Variants in ALDH1A2 observed in about 807,000 individuals in gnomAD.
ALDH1A2 encodes retinal dehydrogenase 2.
ALDH1A2 carries 27 observed loss-of-function variants against 60.3 expected under a neutral mutation model. That is an observed-to-expected ratio of 0.45 (90% CI 0.33 to 0.62). ALDH1A2 has a LOEUF of 0.62. Among genes scored for constraint, ALDH1A2 ranks in the 20% least tolerant of loss-of-function variants. The probability of loss-of-function intolerance (pLI) is 0.02; values close to 1 mark genes in which losing one functional copy is unlikely to be tolerated. For synonymous variants in ALDH1A2, 289 were observed against 232.4 expected (o/e 1.24, Z -2.21); for missense variants, 581 against 643.8 (o/e 0.90, Z 1.06).
chr15:58,059,611 C>G (rs1216714530), intron 1 of ALDH1A2, among the ~76,000 whole-genome samples: 1 of 152,110 alleles, frequency 6.6e-6, no homozygotes, highest in East Asian at 1.9e-4. Flanking sequence ...CTATTTGCAA[C>G]CTGGAGTTTA....
chr15:57,959,295 C>T (rs368665337), intron 12 of ALDH1A2, among the ~76,000 whole-genome samples: 2 of 152,038 alleles, frequency 1.3e-5, no homozygotes, highest in South Asian at 2.1e-4. Flanking sequence ...AAATAAGAAG[C>T]GGAATGCATC....
In ALDH1A2 at chr15:58,044,106, C is replaced by CTGACCAGAT. The variant is rs1186522482; in HGVS notation, c.117+21419_117+21427dup. 4.6e-5 allele frequency among the ~76,000 whole-genome samples: 7 copies of CTGACCAGAT among 152,004 alleles called. No individual in the cohort carries two copies. The East Asian group carries it at 7.8e-4, about 17-fold the overall frequency. ...TCTATTTGAAAAGAGGACTTGATGG[C>CTGACCAGAT]TGACCAGATCCGAGTGATCTTTGCT... On this transcript the variant is annotated intron_variant, in intron 1 of 12. Transcript: ENST00000249750.
At chr15:58,027,451 C>A (rs1305854789) in intron 1 of ALDH1A2, among the ~76,000 whole-genome samples, 2 of 152,086 alleles carry the variant, frequency 1.3e-5, no homozygotes, top group African/African-American at 4.8e-5. Context: ...GAAACCTGAG[C>A]AGAAAAGGTG....
intron 7 of ALDH1A2, chr15:57,980,142 G>T: frequency 7.0e-6 from 2 of 285,730 alleles, no homozygotes; most frequent in Admixed American, 4.2e-5. Context: ...GTGCCCATTT[G>T]CAGCCCGATG....
At position 57,955,481 on chromosome 15, in the gene ALDH1A2, A is replaced by T. The variant is rs560904117; in HGVS notation, c.1485-212T>A. ...GAGTAGTTTTTAAAGAAGTTTTTTT[A>T]AAACTTTAAAGTTTTTTAAAGTAGT... On this transcript the variant is annotated intron_variant, in intron 12 of 12. Transcript: ENST00000249750. Among the ~76,000 whole-genome samples the T allele has an allele frequency of 2.0e-5, 3 of 152,192 alleles. No individual in the cohort carries two copies. The East Asian group carries it at 5.8e-4, about 29-fold the overall frequency.
chr15:57,955,898 A>T (rs971551732), intron 12 of ALDH1A2, among the ~76,000 whole-genome samples: 5 of 151,960 alleles, frequency 3.3e-5, no homozygotes, highest in South Asian at 2.1e-4. Flanking sequence ...CCCCTTATCT[A>T]ATCTATTTCA....
chr15:57,956,815 G>A (rs1815217122), intron 12 of ALDH1A2, among the ~76,000 whole-genome samples: 2 of 152,094 alleles, frequency 1.3e-5, no homozygotes, highest in South Asian at 4.1e-4. Flanking sequence ...GCTTCTGCAC[G>A]CACTTGTTGG....
Position 58,065,684 on chromosome 15 carries a change from G to T in ALDH1A2, c.-34C>A. Reference sequence around the variant, plus strand: ...GCCGGGTGTCCCTAGCCCGCGGCGTGGGGCAGTGCGGGCTGTGCGCGCGGT... The same window carrying T: ...GCCGGGTGTCCCTAGCCCGCGGCGTTGGGCAGTGCGGGCTGTGCGCGCGGT... On this transcript the variant is annotated 5_prime_UTR_variant, in exon 1 of 13. Transcript: ENST00000249750. The T allele has an allele frequency of 6.9e-7, 1 of 1,452,190 alleles. No individual in the cohort carries two copies. Among genetic ancestry groups the T allele is most frequent in the Non-Finnish European group, 9.3e-7 (1 of 1,075,650 alleles). 90.0% of individuals were successfully genotyped at this position (1,452,190 alleles called of 1,614,324 possible).
intron 7 of ALDH1A2, among the ~76,000 whole-genome samples, chr15:57,985,164 A>G (rs1011369793): frequency 6.6e-6 from 1 of 152,114 alleles, no homozygotes; most frequent in Non-Finnish European, 1.5e-5. Context: ...TGATGTGCAT[A>G]TTATTTCCCA....
chr15:58,057,907 T>A (rs1221945754), intron 1 of ALDH1A2: 3 of 535,452 alleles, frequency 5.6e-6, no homozygotes, highest in Non-Finnish European at 5.4e-6. Context: ...CAGCCAAAAA[T>A]AAAAATGACC....
chr15:57,992,683 C>T (rs748586659), intron 7 of ALDH1A2, 22 bp downstream of exon 7: 3 of 1,605,702 alleles, frequency 1.9e-6, no homozygotes, highest in East Asian at 4.5e-5. Context: ...GTTCCTCAAG[C>T]CCTGGTTTTT....
chr15:58,062,442 G>T (rs1321868642), intron 1 of ALDH1A2, among the ~76,000 whole-genome samples: 1 of 152,194 alleles, frequency 6.6e-6, no homozygotes. Context: ...GCAGTCAGGG[G>T]CGGTCAGTAA....
intron 5 of ALDH1A2, among the ~76,000 whole-genome samples, chr15:57,993,531 C>T (rs1350676188): frequency 6.6e-6 from 1 of 152,140 alleles, no homozygotes; most frequent in African/African-American, 2.4e-5. Context: ...ATGTGTATTT[C>T]AAGGTAGTAC....
intron 1 of ALDH1A2, among the ~76,000 whole-genome samples, chr15:58,064,957 T>A (rs1284696348): frequency 1.3e-5 from 2 of 152,230 alleles, no homozygotes; most frequent in Non-Finnish European, 2.9e-5. Flanking sequence ...CCTACAAAAT[T>A]CACATGAAAC....
Position 58,065,690 on chromosome 15 carries a change from G to C in ALDH1A2, c.-40C>G, listed in dbSNP as rs1240620802. 2.9e-6 allele frequency: 4 copies of C among 1,384,378 alleles called. No homozygotes were observed. Among genetic ancestry groups the C allele is most frequent in the African/African-American group, 1.5e-5 (1 of 68,220 alleles). The allele number at this position is 1,384,378 out of a possible 1,614,324, so 85.8% of individuals were successfully genotyped here. A position where few individuals can be genotyped will look rare whatever the true frequency, so the allele number is the denominator to read the frequency against. On this transcript the variant is annotated 5_prime_UTR_variant, in exon 1 of 13. Transcript: ENST00000249750. Reference sequence around the variant, plus strand: ...TGTCCCTAGCCCGCGGCGTGGGGCAGTGCGGGCTGTGCGCGCGGTCCGCGG... The same window carrying C: ...TGTCCCTAGCCCGCGGCGTGGGGCACTGCGGGCTGTGCGCGCGGTCCGCGG...
At chr15:58,034,192 T>C (rs1263020147) in intron 1 of ALDH1A2, among the ~76,000 whole-genome samples, 1 of 151,658 alleles carries the variant, frequency 6.6e-6, no homozygotes, top group Non-Finnish European at 1.5e-5. Context: ...TAAATGTACA[T>C]ATTTTATTAT....
intron 1 of ALDH1A2, among the ~76,000 whole-genome samples, chr15:58,060,110 G>A (rs1324311359): frequency 6.6e-6 from 1 of 152,028 alleles, no homozygotes; most frequent in African/African-American, 2.4e-5. Flanking sequence ...AGTAGAGATG[G>A]GGTTTCACCA....
intron 1 of ALDH1A2, among the ~76,000 whole-genome samples, chr15:58,028,908 T>C (rs1212663396): frequency 1.3e-5 from 2 of 152,078 alleles, no homozygotes; most frequent in Admixed American, 6.5e-5. Context: ...AGCAAGTCCT[T>C]AGAGACCTAC....
chr15:58,025,298 C>CA (rs1304319925), intron 1 of ALDH1A2, among the ~76,000 whole-genome samples: 1 of 151,930 alleles, frequency 6.6e-6, no homozygotes, highest in African/African-American at 2.4e-5. Flanking sequence ...CTAGACTAAC[C>CA]TAAAAAGGAG....
Sources: gnomAD v4.1 joint callset for allele counts (sites outside exome capture counted in the v4.1 genomes callset) on GRCh38, gnomAD v4.1.1 for gene constraint, MANE v1.5 for transcripts, NCBI Gene and HGNC (gene_info 2026-07-23, HGNC 2026-07-21) for gene names.